NTRK2: variants seen among roughly 807,000 people sequenced by gnomAD.
NTRK2 encodes the protein BDNF/NT-3 growth factors receptor.
NTRK2 carries 13 observed loss-of-function variants against 94.5 expected under a neutral mutation model. The observed-to-expected ratio is 0.14, with a 90% CI of 0.09 to 0.22. The LOEUF is 0.22. Ranked by LOEUF, NTRK2 falls within the 10% of genes least tolerant of loss-of-function variation. The pLI, the probability that NTRK2 is intolerant of heterozygous loss-of-function variation, is 1.00. For synonymous variants in NTRK2, 372 were observed against 407.4 expected (o/e 0.91, Z 1.05); for missense variants, 639 against 1,071.2 (o/e 0.60, Z 5.63).
chr9:84,766,441 G>C (rs757569069), intron 12 of NTRK2, among the ~76,000 whole-genome samples: 3 of 152,016 alleles, frequency 2.0e-5, no homozygotes, highest in Non-Finnish European at 4.4e-5. Flanking sequence ...CAAGGTACTT[G>C]GATACGACAG....
intron 9 of NTRK2, among the ~76,000 whole-genome samples, chr9:84,741,106 T>C (rs2132293259): frequency 6.6e-6 from 1 of 151,850 alleles, no homozygotes; most frequent in South Asian, 2.1e-4. Context: ...GGAGAATAAG[T>C]AGCAAATGTT....
chr9:84,695,319 T>G (rs150248306), intron 2 of NTRK2, among the ~76,000 whole-genome samples: 520 of 152,292 alleles, frequency 3.4e-3, no homozygotes, highest in African/African-American at 0.012. Context: ...AAAGACAAGA[T>G]GCATTAGATA....
intron 14 of NTRK2, among the ~76,000 whole-genome samples, chr9:84,913,537 C>T (rs2077306476): frequency 6.6e-6 from 1 of 152,112 alleles, no homozygotes; most frequent in African/African-American, 2.4e-5. Flanking sequence ...TCCTGAACGA[C>T]ATTTTTACTG....
At chr9:84,807,126 CT>C (rs2071215099) in intron 12 of NTRK2, among the ~76,000 whole-genome samples, 1 of 152,216 alleles carries the variant, frequency 6.6e-6, no homozygotes, top group Non-Finnish European at 1.5e-5. Flanking sequence ...AGCAGTTTTC[CT>C]TTTTGCTCCA....
At chr9:84,690,130 G>A (rs1423786190) in intron 2 of NTRK2, among the ~76,000 whole-genome samples, 2 of 152,162 alleles carry the variant, frequency 1.3e-5, no homozygotes, top group Admixed American at 6.5e-5. Flanking sequence ...AAAATGGGAA[G>A]TGTCCCTGAA....
chr9:85,010,740 A>G (rs1323487359), intron 17 of NTRK2, among the ~76,000 whole-genome samples: 1 of 152,224 alleles, frequency 6.6e-6, no homozygotes, highest in Non-Finnish European at 1.5e-5. Context: ...TTCTAGATCC[A>G]AATGTAATTC....
chr9:84,917,784 C>T (rs746455754), intron 14 of NTRK2, among the ~76,000 whole-genome samples: 8 of 152,152 alleles, frequency 5.3e-5, no homozygotes, highest in Non-Finnish European at 2.9e-5. Flanking sequence ...GAAGCTTGTT[C>T]ACTCCTCTGC....
chr9:84,997,434 A>T (rs990242103), intron 17 of NTRK2, among the ~76,000 whole-genome samples: 7 of 152,150 alleles, frequency 4.6e-5, no homozygotes, highest in Non-Finnish European at 8.8e-5. Flanking sequence ...ATGTTTAGAC[A>T]CTCAGACCCA....
chr9:85,020,718 C>T (rs1832712184), intron 18 of NTRK2, among the ~76,000 whole-genome samples: 1 of 152,146 alleles, frequency 6.6e-6, no homozygotes, highest in African/African-American at 2.4e-5. Context: ...AAGATTCTTT[C>T]CTTTTTGAAT....
chr9:84,994,779 G>A (rs1829537904), intron 17 of NTRK2, among the ~76,000 whole-genome samples: 1 of 152,214 alleles, frequency 6.6e-6, no homozygotes, highest in Non-Finnish European at 1.5e-5. Context: ...AGAGAGAGAA[G>A]GTGTTAGTTA....
At chr9:84,895,606 G>A (rs756570523) in intron 14 of NTRK2, among the ~76,000 whole-genome samples, 2 of 152,188 alleles carry the variant, frequency 1.3e-5, no homozygotes, top group Admixed American at 6.5e-5. Context: ...CTTTTTAAAT[G>A]TTAAAGAGGG....
At chr9:84,826,351 C>T (rs2073188872) in intron 12 of NTRK2, among the ~76,000 whole-genome samples, 1 of 152,178 alleles carries the variant, frequency 6.6e-6, no homozygotes, top group Admixed American at 6.5e-5. Context: ...GTCTCTGTGT[C>T]CTCTCTTCCT....
intron 11 of NTRK2, among the ~76,000 whole-genome samples, chr9:84,746,237 A>G (rs763978770): frequency 6.6e-6 from 1 of 152,174 alleles, no homozygotes; most frequent in African/African-American, 2.4e-5. Context: ...TTAAAATTTT[A>G]TTGTCCATGA....
At chr9:84,832,912 A>G (rs1349826648) in intron 12 of NTRK2, among the ~76,000 whole-genome samples, 1 of 151,898 alleles carries the variant, frequency 6.6e-6, no homozygotes, top group Non-Finnish European at 1.5e-5. Flanking sequence ...ATCGGCAGCC[A>G]CCCCCGCACC....
intron 15 of NTRK2, among the ~76,000 whole-genome samples, chr9:84,935,858 T>C (rs532675782): frequency 2.6e-5 from 4 of 152,258 alleles, no homozygotes; most frequent in Non-Finnish European, 4.4e-5. Flanking sequence ...ACTGTATCTT[T>C]TTTTTCCCCC....
intron 12 of NTRK2, among the ~76,000 whole-genome samples, chr9:84,820,405 A>G (rs926614801): frequency 5.3e-5 from 8 of 151,912 alleles, no homozygotes; most frequent in Admixed American, 4.6e-4. Context: ...CCCGACCTCG[A>G]GTGATTTGCC....
chr9:84,948,490 G>A lies in NTRK2; in HGVS notation c.1793G>A (p.Arg598His), dbSNP rs147652140. 5.0e-6 allele frequency: 8 copies of A among 1,613,992 alleles called. No homozygotes were observed. Among genetic ancestry groups the A allele is most frequent in the African/African-American group, 4.0e-5 (3 of 74,900 alleles). The change falls in exon 16 of 19, where the codon CGC becomes CAC. Residue 598 changes from arginine to histidine, a missense_variant. Coordinates refer to ENST00000277120, the MANE Select transcript of NTRK2 (RefSeq NM_006180.6). ...KTLKDASDNA[R>H]KDFHREAELL... ...CTGAAGGATGCCAGTGACAATGCAC[G>A]CAAGGACTTCCACCGTGAGGCCGAG...
chr9:84,694,926 C>G (rs1294766234), intron 2 of NTRK2, among the ~76,000 whole-genome samples: 1 of 151,604 alleles, frequency 6.6e-6, no homozygotes, highest in Admixed American at 6.6e-5. Context: ...GTCTGTAATG[C>G]CAGCACTTCA....
At chr9:84,862,337 G>C (rs891438667) in intron 13 of NTRK2, among the ~76,000 whole-genome samples, 1 of 152,190 alleles carries the variant, frequency 6.6e-6, no homozygotes, top group Non-Finnish European at 1.5e-5. Flanking sequence ...GTATGCGTGC[G>C]TAGGTGTATC....
Sources: gnomAD v4.1 joint callset for allele counts (sites outside exome capture counted in the v4.1 genomes callset) on GRCh38, gnomAD v4.1.1 for gene constraint, MANE v1.5 for transcripts, NCBI Gene and HGNC (gene_info 2026-07-23, HGNC 2026-07-21) for gene names.